The following GPRIN1 variants were observed in gnomAD, a reference collection of about 807,000 sequenced individuals.
GPRIN1 encodes the protein G protein-regulated inducer of neurite outgrowth 1.
A neutral mutation model predicts 2.8 loss-of-function variants in GPRIN1; 4 were observed. That is an observed-to-expected ratio of 1.45 (90% CI 0.71 to 3.32). The LOEUF is 3.32. Ranked by LOEUF, GPRIN1 falls within the 30% of genes most tolerant of loss-of-function variation. The pLI is 0.01. For synonymous variants in GPRIN1, 589 were observed against 589.9 expected (o/e 1.00, Z 0.02); for missense variants, 1,322 against 1,343.4 (o/e 0.98, Z 0.25).
intron 1 of GPRIN1, among the ~76,000 whole-genome samples, chr5:176,609,699 G>C (rs1194253804): frequency 1.3e-5 from 2 of 151,966 alleles, no homozygotes; most frequent in African/African-American, 2.4e-5. Flanking sequence ...GGCCGGGCGC[G>C]GGGCCGACCC....
chr5:176,600,793 G>A (rs1194222738), intron 1 of GPRIN1, among the ~76,000 whole-genome samples: 1 of 152,154 alleles, frequency 6.6e-6, no homozygotes, highest in African/African-American at 2.4e-5. Flanking sequence ...GTGCACGCCT[G>A]TAATCCCAGC....
Position 176,599,775 on chromosome 5 carries a change from T to C in GPRIN1, c.60A>G (p.Pro20=), listed in dbSNP as rs760874794. 3 of 1,514,006 alleles carry C rather than the reference T, an allele frequency of 2.0e-6. No individual in the cohort carries two copies. Among genetic ancestry groups the C allele is most frequent in the Non-Finnish European group, 2.7e-6 (3 of 1,130,300 alleles). The allele number at this position is 1,514,006 out of a possible 1,614,324, so 93.8% of individuals were successfully genotyped here. The change falls in exon 2 of 2, where the codon CCA becomes CCG. Residue 20 remains proline, a synonymous_variant. Transcript: ENST00000303991. ...AGAAGAAGGCTGTGGGTCGGGGTCC[T>C]GGGGGGCTGGAATCCTTTTGAAGCA... ...LQLLQKDSSP[P]GPRPTAFFCP...
Position 176,599,828 on chromosome 5 carries a change from T to C in GPRIN1, c.7A>G (p.Thr3Ala), listed in dbSNP as rs749244035. 1.3e-6 allele frequency: 2 copies of C among 1,481,604 alleles called. No individual in the cohort carries two copies. The highest frequency in any genetic ancestry group is 1.8e-4 in the Middle Eastern group (1 of 5,486). The allele number at this position is 1,481,604 out of a possible 1,614,324, so 91.8% of individuals were successfully genotyped here. Residue 3 changes from threonine (T) to alanine (A), a missense_variant, in exon 2 of 2, where the codon ACT becomes GCT. Around this residue, in one of 3 missense-constraint regions of GPRIN1, gnomAD observed 1,117 missense variants for 1,128.6 expected, o/e 0.99. Coordinates refer to ENST00000303991, the MANE Select transcript of GPRIN1 (RefSeq NM_052899.3). The stretch of plus-strand genomic sequence containing the variant: ...TGGAGCCAGGCCGGGTCTTCAGCAG[T>C]GTCCATCTGCCCTCATGACCACGCC... MD[T>A]AEDPAWLQLL...
intron 1 of GPRIN1, among the ~76,000 whole-genome samples, chr5:176,609,361 T>C (rs1048103878): frequency 3.3e-5 from 5 of 152,096 alleles, no homozygotes; most frequent in African/African-American, 7.2e-5. Context: ...TACGCAAGGC[T>C]CCCACCCAGT....
At position 176,597,167 on chromosome 5, in the gene GPRIN1, G is replaced by A. The variant is rs1759052973; in HGVS notation, c.2668C>T (p.Arg890Trp). Residue 890 changes from arginine (R) to tryptophan (W), a missense_variant, in exon 2 of 2, where the codon CGG becomes TGG. By Grantham distance (101) the Arg-to-Trp change is moderately radical. Around this residue, in one of 3 missense-constraint regions of GPRIN1, gnomAD observed 9 missense variants for 25.6 expected, o/e 0.35. Coordinates refer to ENST00000303991, the MANE Select transcript of GPRIN1 (RefSeq NM_052899.3). This position sits in a 1 kb window ranked among gnomAD's most constrained non-coding sequence, Gnocchi z 6.1. ...GCCAGCGCTGAGCCGGGCCGCACCC[G>A]CACTTCGGGGAAGGCGGGCGGCGCG... ...AAAPPAFPEV[R>W]VRPGSALAAA... 2.9e-6 allele frequency: 4 copies of A among 1,380,688 alleles called. No individual in the cohort carries two copies. Among genetic ancestry groups the A allele is most frequent in the Non-Finnish European group, 2.8e-6 (3 of 1,064,654 alleles). 85.5% of individuals were successfully genotyped at this position (1,380,688 alleles called of 1,614,324 possible).
In GPRIN1 at chr5:176,598,305, C is replaced by T. The variant is rs1277735421; in HGVS notation, c.1530G>A (p.Lys510=). Residue 510 remains lysine, a synonymous_variant, in exon 2 of 2, where the codon AAG becomes AAA. Transcript: ENST00000303991. ...LGTAGPPSAV[K]AEPATGGKGD... is the part of the protein sequence containing the mutation. ...CTTTTCCCCCCGTCGCTGGCTCAGC[C>T]TTTACTGCAGATGGGGGACCTGCTG... is the stretch of plus-strand genomic sequence containing the variant. 3.1e-6 allele frequency: 5 copies of T among 1,613,788 alleles called. No homozygotes were observed. Among genetic ancestry groups the T allele is most frequent in the Admixed American group, 3.3e-5 (2 of 60,014 alleles).
Position 176,595,860 on chromosome 5 carries a change from C to A in GPRIN1, c.*948G>T. ...GACAGTTTGTAGCCAAAAACTGCGG[C>A]TGGAGGGGTGGGGACGGGACACTGA... is the stretch of plus-strand genomic sequence containing the variant. On this transcript the variant is annotated 3_prime_UTR_variant, in exon 2 of 2. Coordinates refer to ENST00000303991, the MANE Select transcript of GPRIN1 (RefSeq NM_052899.3). The A allele has an allele frequency of 3.7e-6, 2 of 544,696 alleles. No homozygotes were observed. The highest frequency in any genetic ancestry group is 6.0e-6 in the Non-Finnish European group (2 of 335,866). The allele number at this position is 544,696 out of a possible 1,614,324, so 33.7% of individuals were successfully genotyped here.
chr5:176,603,585 A>G (rs1759179153), intron 1 of GPRIN1, among the ~76,000 whole-genome samples: 1 of 152,160 alleles, frequency 6.6e-6, no homozygotes, highest in Non-Finnish European at 1.5e-5. Context: ...ACCATCACTA[A>G]GAGGGAACAC....
rs761261759 is a variant in GPRIN1, at chr5:176,597,774, C to A, written c.2061G>T (p.Glu687Asp). ...AGTCGGCTTTCCCCAGGGACACAGG[C>A]TCTCCCTTCCCTGAGGCAAGGGGCT... ...KAEPLASGKGEPVSLGKADSA... is the reference protein window; with the variant it reads ...KAEPLASGKGDPVSLGKADSA... The change falls in exon 2 of 2, where the codon GAG becomes GAT. Residue 687 changes from glutamate to aspartate, a missense_variant. Physicochemically the swap from Glu to Asp is conservative, Grantham distance 45. This residue lies in a region of GPRIN1 where 1,117 missense variants were observed against 1,128.6 expected (regional missense o/e 0.99). Coordinates refer to ENST00000303991, the MANE Select transcript of GPRIN1 (RefSeq NM_052899.3). This position sits in a 1 kb window ranked among gnomAD's most constrained non-coding sequence, Gnocchi z 6.1. The A allele has an allele frequency of 5.6e-6, 9 of 1,604,654 alleles. No homozygotes were observed. The highest frequency in any genetic ancestry group is 7.7e-6 in the Non-Finnish European group (9 of 1,175,414).
chr5:176,603,889 C>T (rs1298567501), intron 1 of GPRIN1, among the ~76,000 whole-genome samples: 2 of 152,198 alleles, frequency 1.3e-5, no homozygotes, highest in East Asian at 3.9e-4. Context: ...ATGAAAGACT[C>T]CTGACATCCC....
chr5:176,606,436 G>A (rs956391426), intron 1 of GPRIN1, among the ~76,000 whole-genome samples: 1 of 152,188 alleles, frequency 6.6e-6, no homozygotes, highest in South Asian at 2.1e-4. Context: ...GGAATTAACC[G>A]ATCAACTTCT....
chr5:176,599,817 G>T lies in GPRIN1; in HGVS notation c.18C>A (p.Asp6Glu), dbSNP rs146009772. 151 of 1,487,494 alleles carry T rather than the reference G, an allele frequency of 1.0e-4. No individual in the cohort carries two copies. In the African/African-American group the frequency reaches 2.0e-3, roughly 20 times the overall value. The allele number at this position is 1,487,494 out of a possible 1,614,324, so 92.1% of individuals were successfully genotyped here. ...TTTGAAGCAGCTGGAGCCAGGCCGG[G>T]TCTTCAGCAGTGTCCATCTGCCCTC... is the stretch of plus-strand genomic sequence containing the variant. MDTAE[D>E]PAWLQLLQKD... Residue 6 changes from aspartate to glutamate, a missense_variant, in exon 2 of 2, where the codon GAC becomes GAA. Asp to Glu is a conservative substitution (Grantham distance 45). Transcript: ENST00000303991.
In GPRIN1 at chr5:176,599,507, A is replaced by C. The variant is rs778209257; in HGVS notation, c.328T>G (p.Leu110Val). ...SPQESPSKET[L>V]EAHGASISGT... is the part of the protein sequence containing the mutation. ...GAGATGGAGGCTCCATGTGCCTCCA[A>C]TGTCTCCTTGGAGGGTGACTCCTGG... Residue 110 changes from leucine (L) to valine (V), a missense_variant, in exon 2 of 2, where the codon TTG becomes GTG. Transcript: ENST00000303991. 6.2e-7 allele frequency: 1 copy of C among 1,610,292 alleles called. No individual in the cohort carries two copies. The highest frequency in any genetic ancestry group is 8.5e-7 in the Non-Finnish European group (1 of 1,177,732).
At position 176,596,654 on chromosome 5, in the gene GPRIN1, T is replaced by C. The variant is rs1759038905; in HGVS notation, c.*154A>G. On this transcript the variant is annotated 3_prime_UTR_variant, in exon 2 of 2. Coordinates refer to ENST00000303991, the MANE Select transcript of GPRIN1 (RefSeq NM_052899.3). The surrounding 1 kb of genome is among the most constrained non-coding windows in gnomAD (Gnocchi z 5.2). Reference sequence around the variant, plus strand: ...AGAAGGGGTTCTTCTGTATTTGTGATGGGAGGGGCTGGAAAGACGGGGACG... The same window carrying C: ...AGAAGGGGTTCTTCTGTATTTGTGACGGGAGGGGCTGGAAAGACGGGGACG... 3.7e-6 allele frequency: 2 copies of C among 542,882 alleles called. No individual in the cohort carries two copies. The highest frequency in any genetic ancestry group is 1.6e-4 in the South Asian group (2 of 12,240). The allele number at this position is 542,882 out of a possible 1,614,324, so 33.6% of individuals were successfully genotyped here. A position where few individuals can be genotyped will look rare whatever the true frequency, so the allele number is the denominator to read the frequency against.
chr5:176,601,697 T>C (rs1759150360), intron 1 of GPRIN1, among the ~76,000 whole-genome samples: 1 of 152,164 alleles, frequency 6.6e-6, no homozygotes, highest in Non-Finnish European at 1.5e-5. Flanking sequence ...ATAGAGCTCC[T>C]GATCCCCTCA....
In GPRIN1 at chr5:176,596,938, CCGGGGCCGGCACGGG is replaced by C. The variant is rs1759046567; in HGVS notation, c.2882_2896del (p.Ala961_Pro965del). On this transcript the variant is annotated inframe_deletion, in exon 2 of 2. Coordinates refer to ENST00000303991, the MANE Select transcript of GPRIN1 (RefSeq NM_052899.3). This position sits in a 1 kb window ranked among gnomAD's most constrained non-coding sequence, Gnocchi z 5.2. Reference sequence around the variant, plus strand: ...CGCGGTGCGCACCGAGCCCGAACGGCCGGGGCCGGCACGGGCGGCGGGCGGCGGCGCGGGCGCCCC... The same window carrying C: ...CGCGGTGCGCACCGAGCCCGAACGGCCGGCGGGCGGCGGCGCGGGCGCCCC... 1 of 1,237,240 alleles carries C rather than the reference CCGGGGCCGGCACGGG, an allele frequency of 8.1e-7. No homozygotes were observed. The highest frequency in any genetic ancestry group is 3.3e-5 in the South Asian group (1 of 30,212). The allele number at this position is 1,237,240 out of a possible 1,614,324, so 76.6% of individuals were successfully genotyped here.
rs1396663599 is a variant in GPRIN1, at chr5:176,596,538, G to A, written c.*270C>T. The A allele has an allele frequency of 4.5e-6, 1 of 224,100 alleles. No homozygotes were observed. The highest frequency in any genetic ancestry group is 8.7e-6 in the Non-Finnish European group (1 of 115,292). The allele number at this position is 224,100 out of a possible 1,614,324, so 13.9% of individuals were successfully genotyped here. Reference sequence around the variant, plus strand: ...GAGCAGGCCCCCGTGGTCGCCCAGTGTGACCGGGAGTAGAGCTGAGGGCTG... The same window carrying A: ...GAGCAGGCCCCCGTGGTCGCCCAGTATGACCGGGAGTAGAGCTGAGGGCTG... On this transcript the variant is annotated 3_prime_UTR_variant, in exon 2 of 2. Transcript: ENST00000303991. This position sits in a 1 kb window ranked among gnomAD's most constrained non-coding sequence, Gnocchi z 5.2.
rs1759073852 is a variant in GPRIN1 at position 176,597,826 on chromosome 5, A to G, written c.2009T>C (p.Val670Ala). ...KKETPQASEK[V>A]DPGSCRKAEP... ...TGCTTTTCTGCAGGATCCAGGATCCACCTTCTCTGAGGCCTGTGGTGTCTC... is the reference window on the plus strand; with the variant it reads ...TGCTTTTCTGCAGGATCCAGGATCCGCCTTCTCTGAGGCCTGTGGTGTCTC... The change falls in exon 2 of 2, where the codon GTG (valine) becomes GCG (alanine). Residue 670 changes from valine to alanine, a missense_variant. Val to Ala is a moderately conservative substitution (Grantham distance 64). This residue lies in a region of GPRIN1 where 1,117 missense variants were observed against 1,128.6 expected (regional missense o/e 0.99). Transcript: ENST00000303991. The surrounding 1 kb of genome is among the most constrained non-coding windows in gnomAD (Gnocchi z 6.1). 6.2e-7 allele frequency: 1 copy of G among 1,610,616 alleles called. No individual in the cohort carries two copies.
Position 176,597,379 on chromosome 5 carries a change from T to G in GPRIN1, c.2456A>C (p.Gln819Pro). 2 of 1,277,396 alleles carry G rather than the reference T, an allele frequency of 1.6e-6. No homozygotes were observed. Among genetic ancestry groups the G allele is most frequent in the Non-Finnish European group, 2.0e-6 (2 of 1,016,086 alleles). 79.1% of individuals were successfully genotyped at this position (1,277,396 alleles called of 1,614,324 possible). The change falls in exon 2 of 2, where the codon CAG becomes CCG. Residue 819 changes from glutamine (Q) to proline (P), a missense_variant. Transcript: ENST00000303991. The surrounding 1 kb of genome is among the most constrained non-coding windows in gnomAD (Gnocchi z 6.1). ...GCTCACGGCCACTGAGACGCAGGCC[T>G]GCGCGCCCGCCTGAGTGCCCGCGTC... is the stretch of plus-strand genomic sequence containing the variant. Reference protein sequence around the residue: ...REDAGTQAGAQACVSVAVSPM... With the variant: ...REDAGTQAGAPACVSVAVSPM...
Sources: gnomAD v4.1 joint callset for allele counts (sites outside exome capture counted in the v4.1 genomes callset) on GRCh38, gnomAD v4.1.1 for gene constraint, gnomAD v4.1.1 regional missense constraint, Gnocchi (gnomAD v3.1) non-coding constraint, MANE v1.5 for transcripts, NCBI Gene and HGNC (gene_info 2026-07-23, HGNC 2026-07-21) for gene names.